PHF14: variants seen among roughly 807,000 people sequenced by gnomAD.
PHF14 encodes the protein PHD finger protein 14.
In PHF14, 55 loss-of-function variants were observed where a neutral mutation model predicts 117.9. The ratio of observed to expected loss-of-function variants is 0.47; its 90% confidence interval spans 0.38 to 0.58. PHF14 has a LOEUF of 0.58. Among genes scored for constraint, PHF14 ranks in the 20% least tolerant of loss-of-function variants. The pLI is 0.00. For missense variants in PHF14, 978 were observed against 1,122.2 expected, an observed-to-expected ratio of 0.87 and a Z score of 1.84; for synonymous variants, 409 against 368.6, an observed-to-expected ratio of 1.11 and a Z score of -1.26.
At chr7:11,087,441 C>T (rs540865244) in intron 16 of PHF14, among the ~76,000 whole-genome samples, 4 of 152,274 alleles carry the variant, frequency 2.6e-5, no homozygotes, top group South Asian at 4.2e-4. Flanking sequence ...CCACCTGCCT[C>T]GGCCTCCCAA....
intron 4 of PHF14, among the ~76,000 whole-genome samples, chr7:10,993,736 G>C (rs945375700): frequency 3.3e-5 from 5 of 152,136 alleles, no homozygotes; most frequent in Non-Finnish European, 7.3e-5. Context: ...GGCTGGGTAC[G>C]GTGGCTCATG....
intron 2 of PHF14, among the ~76,000 whole-genome samples, chr7:10,975,838 G>T (rs1367746059): frequency 6.6e-6 from 1 of 152,104 alleles, no homozygotes; most frequent in Non-Finnish European, 1.5e-5. Flanking sequence ...GTTTGCCGTG[G>T]TTAGTCACAT....
chr7:11,038,702 A>C, intron 10 of PHF14, 58 bp from the exon 11 acceptor site: 2 of 655,626 alleles, frequency 3.1e-6, no homozygotes. Context: ...AGAAATGTAG[A>C]TATTTCTTAA....
At chr7:11,148,612 GTC>G (rs1336261641) in intron 17 of PHF14, among the ~76,000 whole-genome samples, 2 of 152,078 alleles carry the variant, frequency 1.3e-5, no homozygotes. Flanking sequence ...TTTGTTGCCT[GTC>G]TCTGTTGAAA....
chr7:11,019,572 A>G (rs915424250), intron 5 of PHF14, among the ~76,000 whole-genome samples: 1 of 152,104 alleles, frequency 6.6e-6, no homozygotes, highest in Non-Finnish European at 1.5e-5. Flanking sequence ...AATTTCTGCA[A>G]TATCAGTTAT....
intron 16 of PHF14, among the ~76,000 whole-genome samples, chr7:11,071,821 G>T (rs1287209985): frequency 6.6e-6 from 1 of 152,122 alleles, no homozygotes; most frequent in Admixed American, 6.5e-5. Context: ...TCTAATTAAA[G>T]AAGTGTTAAA....
intron 6 of PHF14, among the ~76,000 whole-genome samples, chr7:11,027,315 C>T (rs1408549120): frequency 2.6e-5 from 4 of 152,216 alleles, no homozygotes; most frequent in South Asian, 2.1e-4. Flanking sequence ...ATTATATTAA[C>T]TAGGCAGTAG....
intron 16 of PHF14, among the ~76,000 whole-genome samples, chr7:11,099,347 T>C (rs1217805102): frequency 1.3e-5 from 2 of 152,142 alleles, no homozygotes; most frequent in Non-Finnish European, 2.9e-5. Flanking sequence ...ATGTTTGGAT[T>C]TTAAAATTTT....
rs189419353 is a variant in PHF14 at position 11,110,813 on chromosome 7, A to G, written c.2655-537A>G. Among the ~76,000 whole-genome samples, 337 of 152,180 alleles carry G rather than the reference A, an allele frequency of 2.2e-3. 1 individual carries two copies. The highest frequency in any genetic ancestry group is 7.8e-3 in the African/African-American group (325 of 41,564). ...GCTATAAATGTTAGAAAGTTCACTTACAATCTACTTTAACTTGAAGAAAGA... is the reference window on the plus strand; with the variant it reads ...GCTATAAATGTTAGAAAGTTCACTTGCAATCTACTTTAACTTGAAGAAAGA... On this transcript the variant is annotated intron_variant, in intron 16 of 17. Transcript: ENST00000634607.
intron 14 of PHF14, among the ~76,000 whole-genome samples, chr7:11,053,362 A>T (rs1446168303): frequency 6.6e-6 from 1 of 152,070 alleles, no homozygotes; most frequent in Non-Finnish European, 1.5e-5. Flanking sequence ...AAGTAGATCA[A>T]CTTGAAATAG....
intron 5 of PHF14, among the ~76,000 whole-genome samples, chr7:11,018,586 G>A (rs1284048528): frequency 6.6e-6 from 1 of 151,968 alleles, no homozygotes; most frequent in Non-Finnish European, 1.5e-5. Context: ...ATTTTTGTAT[G>A]TTGCTTTTGT....
chr7:11,009,194 A>G (rs1427539072), intron 4 of PHF14, among the ~76,000 whole-genome samples: 1 of 152,220 alleles, frequency 6.6e-6, no homozygotes, highest in East Asian at 1.9e-4. Context: ...ATTATTAAAC[A>G]CATACTGCAG....
chr7:10,987,639 G>T, intron 3 of PHF14, among the ~76,000 whole-genome samples: 1 of 151,496 alleles, frequency 6.6e-6, no homozygotes, highest in Admixed American at 6.6e-5. Flanking sequence ...TATTTTCTAG[G>T]TGGTACTTTT....
chr7:11,004,784 C>G (rs906995094), intron 4 of PHF14, among the ~76,000 whole-genome samples: 2 of 151,504 alleles, frequency 1.3e-5, no homozygotes, highest in Non-Finnish European at 2.9e-5. Flanking sequence ...GCCTGTAATC[C>G]CAGCACTTTG....
At chr7:11,099,293 A>G (rs1354247631) in intron 16 of PHF14, among the ~76,000 whole-genome samples, 5 of 152,102 alleles carry the variant, frequency 3.3e-5, no homozygotes, top group Non-Finnish European at 7.4e-5. Context: ...CAGACCTTTA[A>G]GTGTCTTTGT....
chr7:11,135,701 A>G (rs994750975), intron 17 of PHF14, among the ~76,000 whole-genome samples: 42 of 152,158 alleles, frequency 2.8e-4, no homozygotes, highest in African/African-American at 8.9e-4. Context: ...TGCCGTGGTT[A>G]TATTTCCACA....
In PHF14 at chr7:11,061,661, A is replaced by T. The variant is rs956877907; in HGVS notation, c.2482-130A>T. ...AGTAGTCCAATATAGTATTAATTAG[A>T]AATAACTAATTTTGCAAGTGCCTAA... On this transcript the variant is annotated intron_variant, in intron 14 of 17. Transcript: ENST00000634607. The T allele has an allele frequency of 1.1e-5, 6 of 560,222 alleles. No homozygotes were observed. The East Asian group carries it at 1.9e-4, about 18-fold the overall frequency. The allele number at this position is 560,222 out of a possible 1,614,324, so 34.7% of individuals were successfully genotyped here.
chr7:11,036,907 A>G (rs1784338536), intron 9 of PHF14, 78 bp from the exon 10 acceptor site: 1 of 1,024,286 alleles, frequency 9.8e-7, no homozygotes, highest in South Asian at 1.5e-5. Flanking sequence ...TATCAATGTG[A>G]TCATCTTTAT....
chr7:11,148,682 C>T (rs902323125), intron 17 of PHF14, among the ~76,000 whole-genome samples: 1 of 152,154 alleles, frequency 6.6e-6, no homozygotes, highest in Non-Finnish European at 1.5e-5. Flanking sequence ...TCTCCTAGAA[C>T]AGAACCTGAC....
Sources: allele counts gnomAD v4.1 joint callset (sites outside exome capture counted in the v4.1 genomes callset), GRCh38; gene constraint gnomAD v4.1.1; transcripts MANE v1.5; gene names NCBI Gene and HGNC (gene_info 2026-07-23, HGNC 2026-07-21).